The following UCN3 variants were observed in gnomAD, a reference collection of about 807,000 sequenced individuals.
The protein encoded by UCN3 is urocortin 3.
In UCN3, 3 loss-of-function variants were observed where a neutral mutation model predicts 3.6. That is an observed-to-expected ratio of 0.83 (90% confidence interval 0.38 to 2.15). UCN3 has a LOEUF of 2.15. Ranked by LOEUF, UCN3 falls within the 30% of genes most tolerant of loss-of-function variation. The pLI is 0.06. For synonymous variants in UCN3, 100 were observed against 93.2 expected (o/e 1.07, Z -0.42); for missense variants, 206 against 208.3 (o/e 0.99, Z 0.07).
rs545892571 is a variant in UCN3 at position 5,372,260 on chromosome 10, C to T, written c.-6-1455C>T. Reference sequence around the variant, plus strand: ...CTCAGGGCACAGGAAGTCAACTCTGCCCACTTCACAATATCCTCAGGGACA... The same window carrying T: ...CTCAGGGCACAGGAAGTCAACTCTGTCCACTTCACAATATCCTCAGGGACA... On this transcript the variant is annotated intron_variant, in intron 1 of 1. Coordinates refer to ENST00000380433, the MANE Select transcript of UCN3 (RefSeq NM_053049.4). Among the ~76,000 whole-genome samples the T allele has an allele frequency of 4.7e-4, 71 of 152,306 alleles. 1 individual carries two copies. Among genetic ancestry groups the T allele is most frequent in the South Asian group, 8.3e-4 (4 of 4,822 alleles).
chr10:5,368,756 A>G (rs925966475), intron 1 of UCN3, among the ~76,000 whole-genome samples: 1 of 152,222 alleles, frequency 6.6e-6, no homozygotes, highest in Non-Finnish European at 1.5e-5. Flanking sequence ...TATTTATGAA[A>G]AACAACTCAT....
chr10:5,373,914 G>T lies in UCN3; in HGVS notation c.194G>T (p.Arg65Ile). The T allele has an allele frequency of 6.2e-7, 1 of 1,613,742 alleles. No individual in the cohort carries two copies. The highest frequency in any genetic ancestry group is 8.5e-7 in the Non-Finnish European group (1 of 1,179,826). The change falls in exon 2 of 2, where the codon AGA (arginine) becomes ATA (isoleucine). Residue 65 changes from arginine to isoleucine, a missense_variant. Transcript: ENST00000380433. ...AGGAGCTTCCACTACCTGCGCAGCA[G>T]AGACGCCTCTTCGGGAGAGGAGGAG... Reference protein sequence around the residue: ...SKRSFHYLRSRDASSGEEEEG... With the variant: ...SKRSFHYLRSIDASSGEEEEG...
chr10:5,368,108 A>C (rs536028397), intron 1 of UCN3, among the ~76,000 whole-genome samples: 1 of 152,200 alleles, frequency 6.6e-6, no homozygotes, highest in East Asian at 1.9e-4. Flanking sequence ...GGCTCAAGCA[A>C]TTCTCCTGCC....
chr10:5,370,726 G>A (rs1554811337), intron 1 of UCN3, among the ~76,000 whole-genome samples: 1 of 121,440 alleles, frequency 8.2e-6, no homozygotes, highest in African/African-American at 3.5e-5. Flanking sequence ...GTGTGTATAT[G>A]CGTGTGTATA....
Position 5,365,021 on chromosome 10 carries a change from G to A in UCN3, c.-216G>A, listed in dbSNP as rs1180391968. 1.3e-5 allele frequency: 2 copies of A among 152,138 alleles called. No individual in the cohort carries two copies. The highest frequency in any genetic ancestry group is 4.8e-5 in the African/African-American group (2 of 41,426). The allele number at this position is 152,138 out of a possible 1,614,324, so 9.4% of individuals were successfully genotyped here. A position where few individuals can be genotyped will look rare whatever the true frequency, so the allele number is the denominator to read the frequency against. ...CGTCTGGAATTACGATCCACCCTGT[G>A]ATCTGTCACTTTTATATACACACAG... On this transcript the variant is annotated 5_prime_UTR_variant, in exon 1 of 2. Transcript: ENST00000380433. The surrounding 1 kb of genome is among the most constrained non-coding windows in gnomAD (Gnocchi z 4.4).
intron 1 of UCN3, among the ~76,000 whole-genome samples, chr10:5,369,407 T>A (rs1831302158): frequency 6.6e-6 from 1 of 152,250 alleles, no homozygotes; most frequent in Non-Finnish European, 1.5e-5. Flanking sequence ...CATACACACA[T>A]TGACGTTTCT....
rs1373346950 is a variant in UCN3 at position 5,374,271 on chromosome 10, G to T, written c.*65G>T. On this transcript the variant is annotated 3_prime_UTR_variant, in exon 2 of 2. Coordinates refer to ENST00000380433, the MANE Select transcript of UCN3 (RefSeq NM_053049.4). ...GGAGGGGAGGGGGAGGGGAGGGCGA[G>T]GGGGGGAGGGGAGGGGGAGGGTGCT... 1.1e-4 allele frequency: 60 copies of T among 558,948 alleles called. No homozygotes were observed. In the South Asian group the frequency reaches 1.1e-3, roughly 11 times the overall value. 34.6% of individuals were successfully genotyped at this position (558,948 alleles called of 1,614,324 possible). A position where few individuals can be genotyped will look rare whatever the true frequency, so the allele number is the denominator to read the frequency against.
Position 5,374,283 on chromosome 10 carries a change from A to AGGGCGGGGGGGGGGAGGGGG in UCN3, c.*80_*81insCGGGGGGGGGGAGGGGGGGG, listed in dbSNP as rs1831474913. 1 of 48,914 alleles carries AGGGCGGGGGGGGGGAGGGGG rather than the reference A, an allele frequency of 2.0e-5. No homozygotes were observed. Among genetic ancestry groups the AGGGCGGGGGGGGGGAGGGGG allele is most frequent in the African/African-American group, 1.5e-4 (1 of 6,474 alleles). The allele number at this position is 48,914 out of a possible 1,614,324, so 3.0% of individuals were successfully genotyped here. A position where few individuals can be genotyped will look rare whatever the true frequency, so the allele number is the denominator to read the frequency against. On this transcript the variant is annotated 3_prime_UTR_variant, in exon 2 of 2. Coordinates refer to ENST00000380433, the MANE Select transcript of UCN3 (RefSeq NM_053049.4). ...GAGGGGAGGGCGAGGGGGGGAGGGG[A>AGGGCGGGGGGGGGGAGGGGG]GGGGGAGGGTGCTGTCTGCTGGTTT...
chr10:5,370,866 T>TGTGTGC lies in UCN3; in HGVS notation c.-6-2847_-6-2846insGTGCGT, dbSNP rs1554811426. On this transcript the variant is annotated intron_variant, in intron 1 of 1. Coordinates refer to ENST00000380433, the MANE Select transcript of UCN3 (RefSeq NM_053049.4). ...GTGTGTGTGCGCGTGTGTGTGCGTG[T>TGTGTGC]GTATGTGTGTGTATATGCGTGTGTA... Among the ~76,000 whole-genome samples the TGTGTGC allele has an allele frequency of 1.6e-5, 2 of 124,120 alleles. 1 individual carries two copies. Among genetic ancestry groups the TGTGTGC allele is most frequent in the African/African-American group, 5.9e-5 (2 of 34,124 alleles). 81.4% of individuals were successfully genotyped at this position (124,120 alleles called of 152,430 possible). A position where few individuals can be genotyped will look rare whatever the true frequency, so the allele number is the denominator to read the frequency against.
In UCN3 at chr10:5,366,916, C is replaced by A. The variant is rs1834122522; in HGVS notation, c.-7+1686C>A. 6.6e-6 allele frequency among the ~76,000 whole-genome samples: 1 copy of A among 152,176 alleles called. No homozygotes were observed. Among genetic ancestry groups the A allele is most frequent in the Non-Finnish European group, 1.5e-5 (1 of 68,022 alleles). Reference sequence around the variant, plus strand: ...CAGAGCGCCACGCAGGACACTTGCTCCCTGACACTTTCACAGATTTTTCCA... The same window carrying A: ...CAGAGCGCCACGCAGGACACTTGCTACCTGACACTTTCACAGATTTTTCCA... On this transcript the variant is annotated intron_variant, in intron 1 of 1. Coordinates refer to ENST00000380433, the MANE Select transcript of UCN3 (RefSeq NM_053049.4). This position sits in a 1 kb window ranked among gnomAD's most constrained non-coding sequence, Gnocchi z 4.2.
intron 1 of UCN3, among the ~76,000 whole-genome samples, chr10:5,373,295 A>G (rs1305388282): frequency 6.6e-6 from 1 of 152,244 alleles, no homozygotes; most frequent in Non-Finnish European, 1.5e-5. Flanking sequence ...ATGAAGGAAC[A>G]TAAAATTCAC....
chr10:5,373,208 C>T (rs1458637306), intron 1 of UCN3, among the ~76,000 whole-genome samples: 1 of 152,164 alleles, frequency 6.6e-6, no homozygotes, highest in Non-Finnish European at 1.5e-5. Flanking sequence ...CCTTAAAGAT[C>T]TGACTTAGAA....
intron 1 of UCN3, 43 bp from the exon 2 acceptor site, chr10:5,373,672 G>A (rs782240300): frequency 3.8e-6 from 6 of 1,586,158 alleles, no homozygotes; most frequent in East Asian, 2.2e-5. Context: ...AGAGCACCAC[G>A]CCCCTCCCAT....
At chr10:5,368,984 T>C (rs1831294034) in intron 1 of UCN3, among the ~76,000 whole-genome samples, 1 of 152,112 alleles carries the variant, frequency 6.6e-6, no homozygotes, top group East Asian at 1.9e-4. Context: ...GTGCTAGAAA[T>C]GCATGTTCTC....
intron 1 of UCN3, among the ~76,000 whole-genome samples, chr10:5,369,923 G>GTGTGTGTGTGTA (rs879953124): frequency 1.0e-5 from 1 of 95,916 alleles, no homozygotes; most frequent in Non-Finnish European, 2.2e-5. Flanking sequence ...ATATGTGTGT[G>GTGTGTGTGTGTA]TATGTGTGTG....
At position 5,366,228 on chromosome 10, in the gene UCN3, C is replaced by G. The variant is rs1185732143; in HGVS notation, c.-7+998C>G. Among the ~76,000 whole-genome samples, 3 of 152,326 alleles carry G rather than the reference C, an allele frequency of 2.0e-5. No homozygotes were observed. The East Asian group carries it at 5.8e-4, about 29-fold the overall frequency. ...GTCCCTCACGTTTCAGTGCTTGGCT[C>G]TGCCACAGCTCCCAGAAGTAACTGT... On this transcript the variant is annotated intron_variant, in intron 1 of 1. Transcript: ENST00000380433. This position sits in a 1 kb window ranked among gnomAD's most constrained non-coding sequence, Gnocchi z 4.2.
At chr10:5,370,794 C>CAT in intron 1 of UCN3, among the ~76,000 whole-genome samples, 1 of 70,832 alleles carries the variant, frequency 1.4e-5, no homozygotes, top group Non-Finnish European at 2.7e-5. Context: ...TGTGTGTATG[C>CAT]GTGTGTATAT....
In UCN3 at chr10:5,374,043, G is replaced by A. The variant is rs781893035; in HGVS notation, c.323G>A (p.Arg108His). The change falls in exon 2 of 2, where the codon CGC (arginine) becomes CAC (histidine). Residue 108 changes from arginine to histidine, a missense_variant. By Grantham distance (29) the Arg-to-His change is conservative (BLOSUM62 0). Coordinates refer to ENST00000380433, the MANE Select transcript of UCN3 (RefSeq NM_053049.4). ...VSQAQPRGKPRQDTAKSPHRT... is the reference protein window; with the variant it reads ...VSQAQPRGKPHQDTAKSPHRT... ...CAAGCACAGCCCAGGGGAAAGCCAC[G>A]CCAGGACACGGCCAAGAGTCCCCAC... 3.6e-5 allele frequency: 58 copies of A among 1,612,688 alleles called. 1 individual carries two copies. The South Asian group carries it at 4.2e-4, about 12-fold the overall frequency.
At chr10:5,372,979 A>G (rs1410569361) in intron 1 of UCN3, among the ~76,000 whole-genome samples, 1 of 152,110 alleles carries the variant, frequency 6.6e-6, no homozygotes, top group East Asian at 1.9e-4. Context: ...AGTCTGACTG[A>G]TAACCAGGAT....
Sources: allele counts gnomAD v4.1 joint callset (sites outside exome capture counted in the v4.1 genomes callset), GRCh38; gene constraint gnomAD v4.1.1; non-coding constraint Gnocchi (gnomAD v3.1); transcripts MANE v1.5; gene names NCBI Gene and HGNC (gene_info 2026-07-23, HGNC 2026-07-21).